Variants in CAMTA1 observed in about 807,000 individuals in gnomAD.
The protein encoded by CAMTA1 is calmodulin-binding transcription activator 1.
A neutral mutation model predicts 170.9 loss-of-function variants in CAMTA1; 27 were observed. The observed-to-expected ratio is 0.16, with a 90% CI of 0.12 to 0.22. The LOEUF is 0.22. Among genes scored for constraint, CAMTA1 ranks in the 10% least tolerant of loss-of-function variants. The pLI is 1.00. For missense variants in CAMTA1, 1,619 were observed against 2,217.2 expected, an observed-to-expected ratio of 0.73 and a Z score of 5.42; for synonymous variants, 833 against 891.5, an observed-to-expected ratio of 0.93 and a Z score of 1.17.
chr1:7,030,268 A>G (rs1220553300), intron 3 of CAMTA1, among the ~76,000 whole-genome samples: 1 of 152,122 alleles, frequency 6.6e-6, no homozygotes, highest in African/African-American at 2.4e-5. Flanking sequence ...CCTTTTTTCA[A>G]GGGGATATAT....
chr1:7,348,814 G>A (rs137945699), intron 5 of CAMTA1, among the ~76,000 whole-genome samples: 10 of 152,290 alleles, frequency 6.6e-5, no homozygotes, highest in Non-Finnish European at 1.0e-4. Context: ...GGCCACCCAC[G>A]TTCACTGTAT....
chr1:7,453,962 T>C (rs1290809293), intron 5 of CAMTA1, among the ~76,000 whole-genome samples: 1 of 152,232 alleles, frequency 6.6e-6, no homozygotes, highest in Non-Finnish European at 1.5e-5. Flanking sequence ...TGTGGTTGGT[T>C]CTGAAGAGAG....
At chr1:7,630,005 T>C (rs1158814398) in intron 6 of CAMTA1, among the ~76,000 whole-genome samples, 1 of 152,202 alleles carries the variant, frequency 6.6e-6, no homozygotes, top group African/African-American at 2.4e-5. Flanking sequence ...CTGGCTCTTT[T>C]TCGTTACTCA....
chr1:7,741,972 A>G (rs1243634615), intron 16 of CAMTA1, among the ~76,000 whole-genome samples: 1 of 149,904 alleles, frequency 6.7e-6, no homozygotes, highest in African/African-American at 2.5e-5. Flanking sequence ...AAATAAAAGC[A>G]GGATATACTA....
chr1:7,768,732 A>T lies in CAMTA1; in HGVS notation c.*2241A>T, dbSNP rs1018914658. On this transcript the variant is annotated 3_prime_UTR_variant, in exon 23 of 23. Transcript: ENST00000303635. ...ACCTGTACATTTGTAAACTGACCTG[A>T]CTCCATTTTGTTTTTAAATGTGTGG... The T allele has an allele frequency of 6.6e-6, 1 of 152,398 alleles. No homozygotes were observed. Among genetic ancestry groups the T allele is most frequent in the Non-Finnish European group, 1.5e-5 (1 of 67,982 alleles). 9.4% of individuals were successfully genotyped at this position (152,398 alleles called of 1,614,324 possible). A position where few individuals can be genotyped will look rare whatever the true frequency, so the allele number is the denominator to read the frequency against.
chr1:6,943,060 T>A (rs1174114949), intron 3 of CAMTA1, among the ~76,000 whole-genome samples: 2 of 152,112 alleles, frequency 1.3e-5, no homozygotes, highest in Admixed American at 6.5e-5. Context: ...GTAAGCACTA[T>A]CCCTGCTCAA....
At chr1:6,925,645 C>T (rs1682943228) in intron 3 of CAMTA1, among the ~76,000 whole-genome samples, 1 of 152,156 alleles carries the variant, frequency 6.6e-6, no homozygotes, top group Non-Finnish European at 1.5e-5. Context: ...CTCTCTGGTT[C>T]CTTCTGCAGA....
chr1:7,646,177 G>A (rs546225159), intron 7 of CAMTA1, among the ~76,000 whole-genome samples: 1 of 151,640 alleles, frequency 6.6e-6, no homozygotes, highest in East Asian at 1.9e-4. Context: ...TGGAGGCCAT[G>A]GTGACTGTGA....
At chr1:7,512,588 G>A (rs6659772) in intron 6 of CAMTA1, among the ~76,000 whole-genome samples, 65,212 of 152,156 alleles carry the variant, frequency 0.43, 14,531 homozygotes, top group Non-Finnish European at 0.5. Flanking sequence ...TTGGTTTTCT[G>A]AGAGCAGAAG....
chr1:7,431,861 TCC>T (rs1264949473), intron 5 of CAMTA1, among the ~76,000 whole-genome samples: 1 of 152,042 alleles, frequency 6.6e-6, no homozygotes, highest in East Asian at 1.9e-4. Flanking sequence ...TCCTGCCCCA[TCC>T]CCAAGCTCCC....
intron 4 of CAMTA1, among the ~76,000 whole-genome samples, chr1:7,141,420 C>A (rs1339196229): frequency 6.6e-6 from 1 of 152,308 alleles, no homozygotes; most frequent in East Asian, 1.9e-4. Context: ...AAAATATGGA[C>A]CACTGGTGGA....
intron 4 of CAMTA1, among the ~76,000 whole-genome samples, chr1:7,104,623 C>T (rs1643398209): frequency 6.6e-6 from 1 of 152,200 alleles, no homozygotes; most frequent in African/African-American, 2.4e-5. Context: ...CCACCTGTCC[C>T]AGTGTCCCCT....
intron 6 of CAMTA1, among the ~76,000 whole-genome samples, chr1:7,524,987 G>A (rs1026845277): frequency 1.3e-5 from 2 of 152,100 alleles, no homozygotes; most frequent in Non-Finnish European, 2.9e-5. Context: ...CATTCATTCA[G>A]CAAGGCCTGC....
chr1:7,031,066 C>T (rs1702732633), intron 3 of CAMTA1, among the ~76,000 whole-genome samples: 1 of 124,872 alleles, frequency 8.0e-6, no homozygotes, highest in African/African-American at 3.1e-5. Context: ...CCAGGATGGT[C>T]TTGATCTCCT....
At chr1:7,632,677 C>T (rs1032683148) in intron 6 of CAMTA1, among the ~76,000 whole-genome samples, 4 of 152,238 alleles carry the variant, frequency 2.6e-5, no homozygotes, top group East Asian at 1.9e-4. Flanking sequence ...GAGGCCAGGG[C>T]GGTGGGACCC....
intron 5 of CAMTA1, among the ~76,000 whole-genome samples, chr1:7,460,569 T>C (rs1725233): frequency 0.71 from 107,284 of 151,132 alleles, 38,951 homozygotes; most frequent in East Asian, 0.86. Context: ...TGGTCCAGGA[T>C]GCCCCGTTCT....
intron 4 of CAMTA1, among the ~76,000 whole-genome samples, chr1:7,094,573 C>A (rs1219152071): frequency 6.6e-6 from 1 of 152,036 alleles, no homozygotes; most frequent in Non-Finnish European, 1.5e-5. Flanking sequence ...CAGAGGGGCC[C>A]CCTGCTTGTC....
At chr1:6,818,932 CATTT>C (rs1007942843) in intron 1 of CAMTA1, among the ~76,000 whole-genome samples, 3 of 152,084 alleles carry the variant, frequency 2.0e-5, no homozygotes, top group Non-Finnish European at 4.4e-5. Context: ...TGAGCCACCA[CATTT>C]ATTTATTTAT....
chr1:6,957,051 A>T (rs1033443159), intron 3 of CAMTA1, among the ~76,000 whole-genome samples: 1 of 152,222 alleles, frequency 6.6e-6, no homozygotes, highest in Non-Finnish European at 1.5e-5. Flanking sequence ...AAACCCACGA[A>T]TCAGAGCGCC....
Sources: allele counts gnomAD v4.1 joint callset (sites outside exome capture counted in the v4.1 genomes callset), GRCh38; gene constraint gnomAD v4.1.1; transcripts MANE v1.5; gene names NCBI Gene and HGNC (gene_info 2026-07-23, HGNC 2026-07-21).